The following RP1 variants were observed in gnomAD, a reference collection of about 807,000 sequenced individuals.
The protein encoded by RP1 is RP1 axonemal microtubule associated.
A neutral mutation model predicts 14.8 loss-of-function variants in RP1; 16 were observed. The observed-to-expected ratio is 1.08, with a 90% CI of 0.73 to 1.65. The LOEUF (loss-of-function observed/expected upper bound fraction) is 1.65. Ranked by LOEUF, RP1 falls within the 40% of genes most tolerant of loss-of-function variation. The pLI, the probability that RP1 is intolerant of heterozygous loss-of-function variation, is 0.00. For synonymous variants in RP1, 876 were observed against 883.6 expected, an observed-to-expected ratio of 0.99 and a Z score of 0.15; for missense variants, 2,631 against 2,535.0, an observed-to-expected ratio of 1.04 and a Z score of -0.81.
intron 8 of RP1, chr8:54,674,021 G>A (rs1807238706): frequency 6.2e-6 from 6 of 968,416 alleles, no homozygotes; most frequent in Non-Finnish European, 9.2e-6. Context: ...TGGAAAATTG[G>A]TAGAAAATGG....
At chr8:54,711,710 A>G (rs147577427) in intron 15 of RP1, among the ~76,000 whole-genome samples, 1 of 152,318 alleles carries the variant, frequency 6.6e-6, no homozygotes, top group East Asian at 1.9e-4. Flanking sequence ...TGTAGTTATT[A>G]AAAGATTTGC....
At chr8:54,740,373 T>C (rs964532699) in intron 19 of RP1, among the ~76,000 whole-genome samples, 4 of 144,138 alleles carry the variant, frequency 2.8e-5, no homozygotes, top group African/African-American at 1.0e-4. Context: ...TATGTTCATG[T>C]CTTTATTTTT....
Position 54,695,890 on chromosome 8 carries a change from A to G in RP1, c.1718-3577A>G, listed in dbSNP as rs961375066. Among the ~76,000 whole-genome samples, 10 of 152,322 alleles carry G rather than the reference A, an allele frequency of 6.6e-5. No individual in the cohort carries two copies. The East Asian group carries it at 1.7e-3, about 26-fold the overall frequency. ...TATGAGATCCTAAGTCTTAAACATT[A>G]AGATGCATTTTATTATGTAGACAAA... On this transcript the variant is annotated intron_variant, in intron 12 of 22. Transcript: ENST00000636932.
At chr8:54,576,499 T>C (rs942903802) in intron 1 of RP1, among the ~76,000 whole-genome samples, 3 of 152,240 alleles carry the variant, frequency 2.0e-5, no homozygotes, top group African/African-American at 7.2e-5. Context: ...TCTCATGCTT[T>C]AAAGATGTTC....
intron 3 of RP1, chr8:54,648,969 A>AT (rs1199922786): frequency 1.3e-6 from 2 of 1,484,292 alleles, no homozygotes; most frequent in Non-Finnish European, 1.8e-6. Flanking sequence ...GCTGTATGTT[A>AT]TTTTTTCTTT....
At chr8:54,611,892 C>T (rs1328004362), upstream of RP1, among the ~76,000 whole-genome samples, 1 of 122,726 alleles carries the variant, frequency 8.1e-6, no homozygotes, top group African/African-American at 3.1e-5. Context: ...TCTCTCCCTT[C>T]CTTCCTTCCT....
At chr8:54,611,292 C>T (rs999069846), upstream of RP1, among the ~76,000 whole-genome samples, 1 of 152,120 alleles carries the variant, frequency 6.6e-6, no homozygotes, top group Non-Finnish European at 1.5e-5. Context: ...CTGCCCTTTT[C>T]TCTTTCTCTT....
chr8:54,763,836 G>T (rs774785532), intron 22 of RP1, among the ~76,000 whole-genome samples: 1 of 152,164 alleles, frequency 6.6e-6, no homozygotes, highest in Non-Finnish European at 1.5e-5. Flanking sequence ...GCTCCACAGC[G>T]TTCCTTAGAG....
chr8:54,852,683 A>G, exon 26 of RP1: 1 of 1,232,096 alleles, frequency 8.1e-7, no homozygotes, highest in Non-Finnish European at 1.0e-6. Flanking sequence ...GAAAACGAAG[A>G]CTTCATCAGT....
intron 1 of RP1, among the ~76,000 whole-genome samples, chr8:54,585,185 A>C (rs963383725): frequency 6.6e-6 from 1 of 152,198 alleles, no homozygotes; most frequent in African/African-American, 2.4e-5. Context: ...CTTTTAGGGC[A>C]GGCCTGGTCA....
rs142974269 is a variant in RP1, at chr8:54,577,774, G to A, written c.-13+18454G>A. Among the ~76,000 whole-genome samples the A allele has an allele frequency of 1.3e-4, 20 of 152,262 alleles. No homozygotes were observed. In the South Asian group the frequency reaches 1.5e-3, roughly 11 times the overall value. ...ACTACCCCTCACGGAGCTGGAAAGC[G>A]TACAGGAGGGGCTCAAATCCAGGTG... is the stretch of plus-strand genomic sequence containing the variant. On this transcript the variant is annotated intron_variant, in intron 1 of 22. Transcript: ENST00000636932.
intron 1 of RP1, among the ~76,000 whole-genome samples, chr8:54,607,456 T>TG (rs1369095321): frequency 6.6e-6 from 1 of 152,148 alleles, no homozygotes; most frequent in African/African-American, 2.4e-5. Context: ...CTGCCCCTAC[T>TG]GGGGGGTGCC....
At chr8:54,668,110 T>A (rs1187703525) in intron 7 of RP1, among the ~76,000 whole-genome samples, 1 of 152,110 alleles carries the variant, frequency 6.6e-6, no homozygotes, top group African/African-American at 2.4e-5. Context: ...GCAAACCGAA[T>A]CCAGCAGCAC....
chr8:54,584,948 T>G (rs1804885329), intron 1 of RP1, among the ~76,000 whole-genome samples: 1 of 152,230 alleles, frequency 6.6e-6, no homozygotes, highest in Non-Finnish European at 1.5e-5. Flanking sequence ...TCTTGACTCT[T>G]TATCCAATTT....
intron 1 of RP1, among the ~76,000 whole-genome samples, chr8:54,586,415 G>T (rs1053802606): frequency 1.3e-5 from 2 of 152,218 alleles, no homozygotes; most frequent in Non-Finnish European, 2.9e-5. Context: ...CTACTGGGGG[G>T]TGCCTCCCAG....
At chr8:54,841,027 T>C (rs1233566577) in intron 25 of RP1, among the ~76,000 whole-genome samples, 1 of 152,166 alleles carries the variant, frequency 6.6e-6, no homozygotes, top group Non-Finnish European at 1.5e-5. Flanking sequence ...ACCCCAATAT[T>C]CAGGAATTAA....
intron 15 of RP1, among the ~76,000 whole-genome samples, chr8:54,718,990 T>C (rs1323182487): frequency 6.6e-6 from 1 of 152,114 alleles, no homozygotes; most frequent in African/African-American, 2.4e-5. Flanking sequence ...TGTATGCAAA[T>C]ACATCATTTA....
intron 3 of RP1, among the ~76,000 whole-genome samples, chr8:54,641,858 G>T (rs764452146): frequency 1.1e-4 from 17 of 152,108 alleles, no homozygotes; most frequent in Non-Finnish European, 2.5e-4. Flanking sequence ...GAGTGAAGAC[G>T]CTGAGAAAGT....
intron 8 of RP1, among the ~76,000 whole-genome samples, chr8:54,677,734 A>T (rs527304764): frequency 6.6e-6 from 1 of 152,144 alleles, no homozygotes; most frequent in African/African-American, 2.4e-5. Flanking sequence ...CTCTAAACAT[A>T]TACAAATAAA....
Sources: allele counts gnomAD v4.1 joint callset (sites outside exome capture counted in the v4.1 genomes callset), GRCh38; gene constraint gnomAD v4.1.1; transcripts MANE v1.5; gene names NCBI Gene and HGNC (gene_info 2026-07-23, HGNC 2026-07-21).